The following RBMS1 variants were observed in gnomAD, a reference collection of about 807,000 sequenced individuals.
RBMS1 encodes the protein RNA binding motif single stranded interacting protein 1, also known as RNA-binding motif, single-stranded-interacting protein 1.
A neutral mutation model predicts 62.3 loss-of-function variants in RBMS1; 17 were observed. That is an observed-to-expected ratio of 0.27 (90% confidence interval 0.19 to 0.41). The LOEUF (loss-of-function observed/expected upper bound fraction) is 0.41, where lower values mean the gene tolerates loss of function less well. RBMS1 is among the 10% of genes least tolerant of loss of function. The pLI, the probability that RBMS1 is intolerant of heterozygous loss-of-function variation, is 1.00. For missense variants in RBMS1, 334 were observed against 504.5 expected, an observed-to-expected ratio of 0.66 and a Z score of 3.24; for synonymous variants, 172 against 170.0, an observed-to-expected ratio of 1.01 and a Z score of -0.09.
Position 160,422,172 on chromosome 2 carries a change from T to C in RBMS1, c.76-54781A>G, listed in dbSNP as rs115373149. Among the ~76,000 whole-genome samples the C allele has an allele frequency of 8.3e-3, 1,261 of 152,302 alleles. 22 individuals are homozygous for C. Among genetic ancestry groups the C allele is most frequent in the African/African-American group, 0.027 (1,119 of 41,558 alleles). ...TCAGTTTGTTAAATGACAAAGATAT[T>C]TATCATCATTTATTTACCTTCTTCT... On this transcript the variant is annotated intron_variant, in intron 1 of 13. Coordinates refer to ENST00000348849, the MANE Select transcript of RBMS1 (RefSeq NM_016836.4).
chr2:160,493,203 C>T, intron 1 of RBMS1, 86 bp downstream of exon 1: 1 of 1,320,978 alleles, frequency 7.6e-7, no homozygotes, highest in South Asian at 1.3e-5. Context: ...CGGGGGTTCG[C>T]CGCGCGCCCC....
At chr2:160,466,810 C>CT (rs2105338943) in intron 1 of RBMS1, among the ~76,000 whole-genome samples, 1 of 152,308 alleles carries the variant, frequency 6.6e-6, no homozygotes, top group Admixed American at 6.5e-5. Flanking sequence ...AAAACAGTGA[C>CT]TTTGAAGTGT....
chr2:160,390,156 C>T (rs184567639), intron 1 of RBMS1, among the ~76,000 whole-genome samples: 4 of 152,296 alleles, frequency 2.6e-5, no homozygotes. Flanking sequence ...TTTTCCACTC[C>T]ACCCACTTAC....
At chr2:160,424,240 A>G (rs1696552629) in intron 1 of RBMS1, among the ~76,000 whole-genome samples, 1 of 151,904 alleles carries the variant, frequency 6.6e-6, no homozygotes, top group African/African-American at 2.4e-5. Context: ...GCTGGTCTCA[A>G]ACTCCTGACC....
At chr2:160,485,310 A>C (rs896275990) in intron 1 of RBMS1, among the ~76,000 whole-genome samples, 1 of 152,196 alleles carries the variant, frequency 6.6e-6, no homozygotes, top group Non-Finnish European at 1.5e-5. Flanking sequence ...ATAAAAGGGC[A>C]AAGCCTTGTT....
At chr2:160,466,696 T>G (rs1448569468) in intron 1 of RBMS1, among the ~76,000 whole-genome samples, 1 of 152,220 alleles carries the variant, frequency 6.6e-6, no homozygotes, top group Non-Finnish European at 1.5e-5. Context: ...GTTTTGATCT[T>G]TATTGTGGAT....
intron 2 of RBMS1, among the ~76,000 whole-genome samples, chr2:160,334,619 G>A (rs1691467970): frequency 6.6e-6 from 1 of 152,120 alleles, no homozygotes; most frequent in African/African-American, 2.4e-5. Flanking sequence ...GTGACTATGT[G>A]TGTTAAGGAA....
intron 1 of RBMS1, among the ~76,000 whole-genome samples, chr2:160,410,603 T>TC (rs1409474278): frequency 6.6e-6 from 1 of 152,204 alleles, no homozygotes; most frequent in Non-Finnish European, 1.5e-5. Context: ...CAGGGACAGA[T>TC]CCTGGTGAGG....
chr2:160,296,766 T>C (rs1688955135), intron 6 of RBMS1, among the ~76,000 whole-genome samples: 2 of 152,222 alleles, frequency 1.3e-5, no homozygotes, highest in South Asian at 4.1e-4. Context: ...AACTTCAGTG[T>C]GTACATATTT....
chr2:160,430,852 T>C (rs1248940680), intron 1 of RBMS1, among the ~76,000 whole-genome samples: 1 of 152,034 alleles, frequency 6.6e-6, no homozygotes, highest in Non-Finnish European at 1.5e-5. Context: ...ATTCTCATTG[T>C]AGACAAGTTT....
intron 1 of RBMS1, among the ~76,000 whole-genome samples, chr2:160,440,002 G>C (rs1683337998): frequency 6.6e-6 from 1 of 150,984 alleles, no homozygotes; most frequent in South Asian, 2.1e-4. Context: ...CGAGATGGCA[G>C]CAGTACCGTC....
intron 2 of RBMS1, among the ~76,000 whole-genome samples, chr2:160,330,655 A>G (rs1691218482): frequency 1.3e-5 from 2 of 151,472 alleles, no homozygotes; most frequent in Non-Finnish European, 2.9e-5. Flanking sequence ...GATTAAGCAC[A>G]AGTTCAAGTT....
chr2:160,476,834 G>C (rs1191045193), intron 1 of RBMS1, among the ~76,000 whole-genome samples: 2 of 152,242 alleles, frequency 1.3e-5, no homozygotes, highest in East Asian at 3.9e-4. Context: ...GATTACAGGC[G>C]TGAGCCACCG....
chr2:160,445,996 C>CA lies in RBMS1; in HGVS notation c.75+47292dup, dbSNP rs564694189. On this transcript the variant is annotated intron_variant, in intron 1 of 13. Transcript: ENST00000348849. ...GGATTAAATGCATATCCATCAGCTC[C>CA]AAAAAAAAAAAATGTATTAAGTGTC... Among the ~76,000 whole-genome samples the CA allele has an allele frequency of 6.1e-3, 880 of 143,554 alleles. 4 individuals carry two copies. The highest frequency in any genetic ancestry group is 0.018 in the African/African-American group (700 of 38,866). The allele number at this position is 143,554 out of a possible 152,430, so 94.2% of individuals were successfully genotyped here. A position where few individuals can be genotyped will look rare whatever the true frequency, so the allele number is the denominator to read the frequency against.
chr2:160,390,837 C>A (rs189392992), intron 1 of RBMS1, among the ~76,000 whole-genome samples: 2 of 151,296 alleles, frequency 1.3e-5, no homozygotes, highest in East Asian at 3.9e-4. Flanking sequence ...CATATTTAAG[C>A]TATTAATATT....
chr2:160,273,714 C>CA lies in RBMS1; in HGVS notation c.*1057dup, dbSNP rs1687684764. On this transcript the variant is annotated 3_prime_UTR_variant, in exon 14 of 14. Coordinates refer to ENST00000348849, the MANE Select transcript of RBMS1 (RefSeq NM_016836.4). ...AAAACATTCAGTGACTCCCCTCCCC[C>CA]ACCCCCATCCCCAACCCCAACACTA... is the stretch of plus-strand genomic sequence containing the variant. The CA allele has an allele frequency of 6.6e-6, 1 of 150,518 alleles. No homozygotes were observed. Among genetic ancestry groups the CA allele is most frequent in the Admixed American group, 6.6e-5 (1 of 15,130 alleles). 9.3% of individuals were successfully genotyped at this position (150,518 alleles called of 1,614,324 possible). A position where few individuals can be genotyped will look rare whatever the true frequency, so the allele number is the denominator to read the frequency against.
At chr2:160,453,089 TATG>T (rs34689714) in intron 1 of RBMS1, among the ~76,000 whole-genome samples, 10 of 139,102 alleles carry the variant, frequency 7.2e-5, no homozygotes, top group Admixed American at 1.4e-4. Flanking sequence ...TAACTACTGT[TATG>T]ATGATGATGA....
At chr2:160,409,311 TG>T (rs1013140879) in intron 1 of RBMS1, among the ~76,000 whole-genome samples, 1 of 151,482 alleles carries the variant, frequency 6.6e-6, no homozygotes, top group Non-Finnish European at 1.5e-5. Context: ...TAACTTATTC[TG>T]GGCACAGTGC....
intron 1 of RBMS1, among the ~76,000 whole-genome samples, chr2:160,378,299 CA>C (rs1013921694): frequency 2.6e-5 from 4 of 151,898 alleles, no homozygotes. Flanking sequence ...CAAGAAGATA[CA>C]AAAATCAAAC....
Sources: allele counts gnomAD v4.1 joint callset (sites outside exome capture counted in the v4.1 genomes callset), GRCh38; gene constraint gnomAD v4.1.1; transcripts MANE v1.5; gene names NCBI Gene and HGNC (gene_info 2026-07-23, HGNC 2026-07-21).